Variants in SNX25 observed in about 807,000 individuals in gnomAD.
The protein encoded by SNX25 is sorting nexin 25, also known as sorting nexin-25.
A neutral mutation model predicts 113.7 loss-of-function variants in SNX25; 62 were observed. That is an observed-to-expected ratio of 0.55 (90% confidence interval 0.44 to 0.67). The LOEUF is 0.67. Among genes scored for constraint, SNX25 ranks in the 30% least tolerant of loss-of-function variants. The pLI is 0.00. For missense variants in SNX25, 1,014 were observed against 1,161.0 expected, an observed-to-expected ratio of 0.87 and a Z score of 1.84; for synonymous variants, 421 against 436.2, an observed-to-expected ratio of 0.97 and a Z score of 0.43.
intron 1 of SNX25, among the ~76,000 whole-genome samples, chr4:185,240,625 A>C (rs1182454775): frequency 6.8e-6 from 1 of 147,506 alleles, no homozygotes; most frequent in African/African-American, 2.6e-5. Flanking sequence ...CACCTCCCGG[A>C]CGGAGCGGCT....
chr4:185,286,907 T>C (rs953495326), intron 5 of SNX25, among the ~76,000 whole-genome samples: 1 of 152,190 alleles, frequency 6.6e-6, no homozygotes, highest in Non-Finnish European at 1.5e-5. Context: ...CTCCTCTGGG[T>C]TTTAGTTGAA....
chr4:185,216,658 G>T (rs3112888), intron 1 of SNX25, among the ~76,000 whole-genome samples: 92,017 of 151,152 alleles, frequency 0.61, 28,184 homozygotes, highest in East Asian at 0.73. Context: ...TCACTGGGAT[G>T]ATAGGCGCCC....
Position 185,209,830 on chromosome 4 carries a change from C to T in SNX25, c.4C>T (p.His2Tyr). 1 of 983,658 alleles carries T rather than the reference C, an allele frequency of 1.0e-6. No homozygotes were observed. Among genetic ancestry groups the T allele is most frequent in the Non-Finnish European group, 1.2e-6 (1 of 829,258 alleles). 60.9% of individuals were successfully genotyped at this position (983,658 alleles called of 1,614,324 possible). ...CCTTAGCGGCCCAGGAAGCAGCATG[C>T]ACCCCGATGCGACCGACAGTGGCGG... M[H>Y]PDATDSGGAG... Residue 2 changes from histidine to tyrosine, a missense_variant, in exon 1 of 19, where the codon CAC (histidine) becomes TAC (tyrosine). Transcript: ENST00000652585. The surrounding 1 kb of genome is among the most constrained non-coding windows in gnomAD (Gnocchi z 5.2).
chr4:185,259,345 A>C (rs76949483), intron 3 of SNX25, among the ~76,000 whole-genome samples: 27 of 152,320 alleles, frequency 1.8e-4, no homozygotes, highest in African/African-American at 6.5e-4. Flanking sequence ...TATGAGTACT[A>C]GAAATAAAAA....
the SNX25 span, chr4:185,375,860 G>A: frequency 2.0e-6 from 1 of 488,982 alleles, no homozygotes; most frequent in Non-Finnish European, 3.7e-6. Flanking sequence ...CTGAACCCAT[G>A]CCCCACGCTG....
chr4:185,377,081 A>T, the SNX25 span: 5 of 1,152,012 alleles, frequency 4.3e-6, no homozygotes, highest in Non-Finnish European at 6.5e-6. Flanking sequence ...TCTTGAAGTA[A>T]TGAATCATAT....
At chr4:185,322,024 A>G (rs1044514701) in intron 8 of SNX25, among the ~76,000 whole-genome samples, 1 of 152,236 alleles carries the variant, frequency 6.6e-6, no homozygotes, top group East Asian at 1.9e-4. Flanking sequence ...CCAATCTTCC[A>G]TAGATCCCGA....
At chr4:185,364,936 C>T (rs1489115764), downstream of SNX25, 1 of 152,050 alleles carries the variant, frequency 6.6e-6, no homozygotes, top group Non-Finnish European at 1.5e-5. Flanking sequence ...TATTTTGTCT[C>T]TATATTTATT....
At chr4:185,342,471 T>G (rs1300124828) in intron 12 of SNX25, among the ~76,000 whole-genome samples, 1 of 152,186 alleles carries the variant, frequency 6.6e-6, no homozygotes, top group Non-Finnish European at 1.5e-5. Flanking sequence ...CATTGGATTC[T>G]ATCACATATA....
At chr4:185,297,424 A>G (rs1445885523) in intron 6 of SNX25, among the ~76,000 whole-genome samples, 1 of 152,180 alleles carries the variant, frequency 6.6e-6, no homozygotes, top group Admixed American at 6.6e-5. Flanking sequence ...CTTTCTACTT[A>G]ATCTCTGCCA....
At chr4:185,209,432 G>A (rs138063600), upstream of SNX25, 1,803 of 152,356 alleles carry the variant, frequency 0.012, 20 homozygotes, top group Non-Finnish European at 0.018. This position sits in a 1 kb window ranked among gnomAD's most constrained non-coding sequence, Gnocchi z 5.2. Context: ...GGTGTGCACC[G>A]CGCTGGGTCG....
chr4:185,210,873 C>T lies in SNX25; in HGVS notation c.429+618C>T, dbSNP rs796409723. On this transcript the variant is annotated intron_variant, in intron 1 of 18. Transcript: ENST00000652585. This position sits in a 1 kb window ranked among gnomAD's most constrained non-coding sequence, Gnocchi z 4.4. ...TGGTTTGCAACAAAAGGAAAGCCATCCTCAGCGCGCTGTGGGACACTAGGG... is the reference window on the plus strand; with the variant it reads ...TGGTTTGCAACAAAAGGAAAGCCATTCTCAGCGCGCTGTGGGACACTAGGG... Among the ~76,000 whole-genome samples the T allele has an allele frequency of 1.9e-4, 29 of 152,228 alleles. No individual in the cohort carries two copies. The highest frequency in any genetic ancestry group is 5.8e-4 in the African/African-American group (24 of 41,536).
intron 1 of SNX25, among the ~76,000 whole-genome samples, chr4:185,240,077 T>C (rs563658810): frequency 3.2e-3 from 484 of 151,668 alleles, no homozygotes; most frequent in African/African-American, 0.011. Context: ...GAGCACAGGG[T>C]TGGGGGTAAG....
chr4:185,229,442 A>G (rs1741499792), intron 1 of SNX25, among the ~76,000 whole-genome samples: 1 of 152,150 alleles, frequency 6.6e-6, no homozygotes, highest in East Asian at 1.9e-4. Context: ...CCCATGTTCT[A>G]TGTCTGTTGT....
At chr4:185,274,782 T>G (rs1217164479) in intron 5 of SNX25, among the ~76,000 whole-genome samples, 1 of 152,252 alleles carries the variant, frequency 6.6e-6, no homozygotes, top group Non-Finnish European at 1.5e-5. Context: ...TTGATCATTA[T>G]AACAAGCATA....
chr4:185,278,180 G>A (rs1007242257), intron 5 of SNX25, among the ~76,000 whole-genome samples: 41 of 152,286 alleles, frequency 2.7e-4, no homozygotes, highest in African/African-American at 9.9e-4. Flanking sequence ...ATCACTAAGC[G>A]GTAGCCACAT....
At chr4:185,372,525 T>C (rs976300461), downstream of SNX25, among the ~76,000 whole-genome samples, 1 of 152,232 alleles carries the variant, frequency 6.6e-6, no homozygotes, top group Middle Eastern at 3.2e-3. Context: ...AATACTTTCA[T>C]CCAGTTTATT....
intron 15 of SNX25, among the ~76,000 whole-genome samples, chr4:185,353,849 T>G (rs954306922): frequency 2.0e-5 from 3 of 151,944 alleles, no homozygotes; most frequent in East Asian, 3.9e-4. Context: ...ATCAAGACCA[T>G]CCTGACCAAC....
At chr4:185,219,016 A>G (rs1739351088) in intron 1 of SNX25, among the ~76,000 whole-genome samples, 1 of 152,070 alleles carries the variant, frequency 6.6e-6, no homozygotes, top group Non-Finnish European at 1.5e-5. Context: ...GTATTTGGGG[A>G]TAATCTCAAC....
Sources: allele counts gnomAD v4.1 joint callset (sites outside exome capture counted in the v4.1 genomes callset), GRCh38; gene constraint gnomAD v4.1.1; non-coding constraint Gnocchi (gnomAD v3.1); transcripts MANE v1.5; gene names NCBI Gene and HGNC (gene_info 2026-07-23, HGNC 2026-07-21).